The following WHRN variants were observed in gnomAD, a reference collection of about 807,000 sequenced individuals.
WHRN encodes the protein whirlin, also known as CASK-interacting protein CIP98.
A neutral mutation model predicts 68.3 loss-of-function variants in WHRN; 41 were observed. The ratio of observed to expected loss-of-function variants is 0.60; its 90% CI spans 0.47 to 0.78. The LOEUF (loss-of-function observed/expected upper bound fraction) is 0.78, where lower values mean the gene tolerates loss of function less well. Among genes scored for constraint, WHRN ranks in the 30% least tolerant of loss-of-function variants. The pLI is 0.00. For missense variants in WHRN, 1,243 were observed against 1,244.7 expected (o/e 1.00, Z 0.02); for synonymous variants, 560 against 561.3 (o/e 1.00, Z 0.03).
chr9:114,419,800 C>T (rs1169216184), intron 7 of WHRN, among the ~76,000 whole-genome samples: 2 of 152,178 alleles, frequency 1.3e-5, no homozygotes, highest in East Asian at 3.9e-4. Flanking sequence ...GAGGTGAAAC[C>T]ACTTCCTGAG....
At chr9:114,466,775 C>A (rs191886540) in intron 2 of WHRN, among the ~76,000 whole-genome samples, 7 of 152,104 alleles carry the variant, frequency 4.6e-5, no homozygotes, top group Admixed American at 4.6e-4. Flanking sequence ...ACTGTTCGCG[C>A]CCCGGGGTCT....
In WHRN at chr9:114,406,685, T is replaced by C. The variant is rs1458968261; in HGVS notation, c.1906A>G (p.Thr636Ala). The C allele has an allele frequency of 6.2e-7, 1 of 1,613,432 alleles. No homozygotes were observed. The highest frequency in any genetic ancestry group is 8.5e-7 in the Non-Finnish European group (1 of 1,179,894). ...TCCTGTGCAGAGGAGGTCCCTGGGGTGGGTGCGGTGCCCGCTGGCGGGCTG... is the reference window on the plus strand; with the variant it reads ...TCCTGTGCAGAGGAGGTCCCTGGGGCGGGTGCGGTGCCCGCTGGCGGGCTG... Reference protein sequence around the residue: ...NRSPPAGTAPTPGTSSAQDLP... With the variant: ...NRSPPAGTAPAPGTSSAQDLP... Residue 636 changes from threonine to alanine, a missense_variant, in exon 9 of 12, where the codon ACC becomes GCC. By Grantham distance (58) the Thr-to-Ala change is moderately conservative. Transcript: ENST00000362057.
At chr9:114,504,090 G>T in intron 1 of WHRN, 94 bp downstream of exon 1, 1 of 1,549,000 alleles carries the variant, frequency 6.5e-7, no homozygotes, top group Non-Finnish European at 8.8e-7. Flanking sequence ...AAGGCCAAGT[G>T]ATTCATCTAA....
Position 114,423,416 on chromosome 9 carries a change from G to A in WHRN, c.1524C>T (p.Pro508=). ...REIESMKARQ[P]PGPGAGDTYS... The stretch of plus-strand genomic sequence containing the variant: ...AGGTGTCCCCAGCCCCGGGGCCTGG[G>A]GGCTGCCGCGCCTTCATGGACTCAA... The change falls in exon 7 of 12, where the codon CCC becomes CCT. Residue 508 remains proline, a synonymous_variant. Coordinates refer to ENST00000362057, the MANE Select transcript of WHRN (RefSeq NM_015404.4). 6.2e-7 allele frequency: 1 copy of A among 1,614,054 alleles called. No individual in the cohort carries two copies. Among genetic ancestry groups the A allele is most frequent in the Non-Finnish European group, 8.5e-7 (1 of 1,180,010 alleles).
At chr9:114,444,787 A>G (rs1838677091) in intron 3 of WHRN, among the ~76,000 whole-genome samples, 1 of 151,610 alleles carries the variant, frequency 6.6e-6, no homozygotes, top group East Asian at 1.9e-4. Flanking sequence ...TCTGAATGCT[A>G]TATATATAAT....
chr9:114,448,234 T>G (rs1486870992), intron 3 of WHRN, among the ~76,000 whole-genome samples: 1 of 152,002 alleles, frequency 6.6e-6, no homozygotes, highest in African/African-American at 2.4e-5. Flanking sequence ...ACAGGGAGAT[T>G]TGAGCCACAA....
intron 3 of WHRN, among the ~76,000 whole-genome samples, chr9:114,451,311 C>T (rs991692583): frequency 6.6e-6 from 1 of 152,134 alleles, no homozygotes. Context: ...AGCTTCTCTG[C>T]CAACTAAAAA....
At chr9:114,488,774 C>G (rs1276763943) in intron 1 of WHRN, among the ~76,000 whole-genome samples, 1 of 152,214 alleles carries the variant, frequency 6.6e-6, no homozygotes, top group African/African-American at 2.4e-5. Context: ...ACTCTGTCTT[C>G]CAAGCTCCTT....
chr9:114,402,184 G>A lies in WHRN; in HGVS notation c.*570C>T. 1 of 169,564 alleles carries A rather than the reference G, an allele frequency of 5.9e-6. No individual in the cohort carries two copies. The highest frequency in any genetic ancestry group is 1.3e-5 in the Non-Finnish European group (1 of 76,718). 10.5% of individuals were successfully genotyped at this position (169,564 alleles called of 1,614,324 possible). On this transcript the variant is annotated 3_prime_UTR_variant, in exon 12 of 12. Transcript: ENST00000362057. ...GCAAGGCCTCTGGGATAGGCTGGGG[G>A]TGCAGAGGGAAGCTGGGGCCTTGGG...
intron 3 of WHRN, among the ~76,000 whole-genome samples, chr9:114,435,403 A>G (rs1037621265): frequency 6.6e-6 from 1 of 152,248 alleles, no homozygotes; most frequent in Non-Finnish European, 1.5e-5. Flanking sequence ...TGACAAGGCC[A>G]GGGCATGTAG....
chr9:114,431,101 A>G (rs1267370272), intron 3 of WHRN, among the ~76,000 whole-genome samples: 3 of 152,146 alleles, frequency 2.0e-5, no homozygotes. Context: ...CTAGTGTCCT[A>G]GTGTCACCCC....
intron 2 of WHRN, among the ~76,000 whole-genome samples, chr9:114,472,438 A>G (rs1345219227): frequency 6.6e-6 from 1 of 152,178 alleles, no homozygotes; most frequent in Non-Finnish European, 1.5e-5. Context: ...GGATCCGTGT[A>G]TGATCATTTC....
chr9:114,406,216 C>T (rs1835011233), intron 9 of WHRN, 139 bp downstream of exon 9: 1 of 1,198,212 alleles, frequency 8.3e-7, no homozygotes, highest in Admixed American at 1.9e-5. Flanking sequence ...AAACTGGGGT[C>T]TCCAACTCCC....
chr9:114,469,577 G>GC (rs1225196973), intron 2 of WHRN, among the ~76,000 whole-genome samples: 1 of 152,132 alleles, frequency 6.6e-6, no homozygotes, highest in Non-Finnish European at 1.5e-5. Flanking sequence ...GTAAAAGCCA[G>GC]CCCCAGCCTC....
chr9:114,463,279 T>A (rs1840394409), intron 3 of WHRN, among the ~76,000 whole-genome samples: 1 of 152,260 alleles, frequency 6.6e-6, no homozygotes, highest in Non-Finnish European at 1.5e-5. Flanking sequence ...TAGCTGGGTC[T>A]GAACCCCCAT....
At chr9:114,451,994 G>C (rs1473622373) in intron 3 of WHRN, among the ~76,000 whole-genome samples, 4 of 152,218 alleles carry the variant, frequency 2.6e-5, no homozygotes, top group Non-Finnish European at 5.9e-5. Context: ...TGGTGGGACA[G>C]AGGGCGGACT....
chr9:114,426,037 A>C, intron 4 of WHRN, 174 bp downstream of exon 4: 5 of 757,390 alleles, frequency 6.6e-6, no homozygotes, highest in Non-Finnish European at 1.1e-5. Flanking sequence ...GGGGAAACTG[A>C]GGCCAAGAGA....
At chr9:114,476,329 A>G (rs1841648198) in intron 2 of WHRN, among the ~76,000 whole-genome samples, 1 of 151,734 alleles carries the variant, frequency 6.6e-6, no homozygotes. Context: ...CCACCCTCCC[A>G]TCTGCTCAAT....
intron 3 of WHRN, 23 bp downstream of exon 3, chr9:114,466,244 C>T (rs370406140): frequency 1.2e-5 from 20 of 1,613,548 alleles, no homozygotes; most frequent in Non-Finnish European, 1.7e-5. Flanking sequence ...ACAGAGTTTT[C>T]CCTCCCTCAG....
Sources: allele counts gnomAD v4.1 joint callset (sites outside exome capture counted in the v4.1 genomes callset), GRCh38; gene constraint gnomAD v4.1.1; transcripts MANE v1.5; gene names NCBI Gene and HGNC (gene_info 2026-07-23, HGNC 2026-07-21).